Variants in CACNA1D observed in about 807,000 individuals in gnomAD.
CACNA1D encodes the protein voltage-dependent L-type calcium channel subunit alpha-1D.
CACNA1D carries 55 observed loss-of-function variants against 257.1 expected under a neutral mutation model. The observed-to-expected ratio is 0.21, with a 90% CI of 0.17 to 0.27. The LOEUF (loss-of-function observed/expected upper bound fraction) is 0.27. Among genes scored for constraint, CACNA1D ranks in the 10% least tolerant of loss-of-function variants. The probability of loss-of-function intolerance (pLI) is 1.00; values close to 1 mark genes in which losing one functional copy is unlikely to be tolerated. For missense variants in CACNA1D, 1,876 were observed against 2,784.0 expected, an observed-to-expected ratio of 0.67 and a Z score of 7.34; for synonymous variants, 980 against 1,014.9, an observed-to-expected ratio of 0.97 and a Z score of 0.65.
At chr3:53,553,327 T>G (rs377057251) in intron 3 of CACNA1D, among the ~76,000 whole-genome samples, 1 of 152,240 alleles carries the variant, frequency 6.6e-6, no homozygotes. Context: ...GTGTTTATGC[T>G]GTTGCTGCCG....
chr3:53,530,629 G>T (rs1176251660), intron 3 of CACNA1D, among the ~76,000 whole-genome samples: 2 of 152,140 alleles, frequency 1.3e-5, no homozygotes, highest in Non-Finnish European at 2.9e-5. Context: ...CCCCACTGTT[G>T]TCACCACTTC....
chr3:53,805,907 A>C (rs1320785996), intron 45 of CACNA1D, among the ~76,000 whole-genome samples: 36 of 21,636 alleles, frequency 1.7e-3, no homozygotes, highest in Admixed American at 4.6e-3. Flanking sequence ...CTCCTCCCTC[A>C]TCTTCTCCTG....
intron 10 of CACNA1D, among the ~76,000 whole-genome samples, chr3:53,719,076 C>T (rs532991990): frequency 6.6e-6 from 1 of 152,156 alleles, no homozygotes; most frequent in East Asian, 1.9e-4. Context: ...CACTGTCTGC[C>T]GTGGGGGAGC....
At position 53,497,337 on chromosome 3, in the gene CACNA1D, C is replaced by T. The variant is rs914971602; in HGVS notation, c.253C>T (p.Arg85Cys). 3.7e-6 allele frequency: 6 copies of T among 1,614,140 alleles called. No individual in the cohort carries two copies. Among genetic ancestry groups the T allele is most frequent in the South Asian group, 1.1e-5 (1 of 91,070 alleles). The change falls in exon 2 of 48, where the codon CGT becomes TGT. Residue 85 changes from arginine to cysteine, a missense_variant. Physicochemically the swap from Arg to Cys is radical, Grantham distance 180 (BLOSUM62 -3). Transcript: ENST00000350061. ...PPVGSLSQRK[R>C]QQYAKSKKQG... ...TGTAGGATCTCTCTCCCAAAGAAAA[C>T]GTCAGCAATACGCCAAGAGCAAAAA...
At chr3:53,559,742 T>G (rs1339894723) in intron 3 of CACNA1D, among the ~76,000 whole-genome samples, 2 of 152,204 alleles carry the variant, frequency 1.3e-5, no homozygotes, top group Non-Finnish European at 2.9e-5. Flanking sequence ...TGAGCTTCCT[T>G]GGTTCCCTGA....
At position 53,761,990 on chromosome 3, in the gene CACNA1D, C is replaced by T. The variant is rs1484633189; in HGVS notation, c.3787-8C>T. 4 of 1,603,234 alleles carry T rather than the reference C, an allele frequency of 2.5e-6. No individual in the cohort carries two copies. The highest frequency in any genetic ancestry group is 3.4e-6 in the Non-Finnish European group (4 of 1,170,002). ...TCATAAACATCTGCCCTCGCCTGCT[C>T]TGTCCAGGGGTATTTTAGTGACGCC... On this transcript the variant is annotated splice_polypyrimidine_tract_variant and splice_region_variant and intron_variant, in intron 29 of 47. Coordinates refer to ENST00000350061, the MANE Select transcript of CACNA1D (RefSeq NM_001128840.3).
At chr3:53,522,797 A>G (rs1429973397) in intron 3 of CACNA1D, among the ~76,000 whole-genome samples, 1 of 152,106 alleles carries the variant, frequency 6.6e-6, no homozygotes, top group Non-Finnish European at 1.5e-5. Flanking sequence ...CAAATCTTCT[A>G]TTTTGAAATA....
chr3:53,572,348 T>G (rs1468625271), intron 3 of CACNA1D, among the ~76,000 whole-genome samples: 1 of 151,280 alleles, frequency 6.6e-6, no homozygotes, highest in African/African-American at 2.4e-5. Flanking sequence ...TTTGGCCCTC[T>G]CTGCCTCTGG....
intron 35 of CACNA1D, among the ~76,000 whole-genome samples, chr3:53,776,322 A>G (rs1360674244): frequency 6.6e-6 from 1 of 152,238 alleles, no homozygotes; most frequent in African/African-American, 2.4e-5. Context: ...AAGCCAGTGC[A>G]TATGGTGGTG....
At chr3:53,670,406 G>A (rs943957621) in intron 7 of CACNA1D, among the ~76,000 whole-genome samples, 14 of 152,062 alleles carry the variant, frequency 9.2e-5, no homozygotes, top group South Asian at 4.1e-4. Flanking sequence ...GTGCAATGGC[G>A]TGATCTTGGC....
chr3:53,600,698 G>A (rs1366532414), intron 3 of CACNA1D, among the ~76,000 whole-genome samples: 3 of 152,058 alleles, frequency 2.0e-5, no homozygotes, highest in Non-Finnish European at 4.4e-5. Flanking sequence ...CACAATTATT[G>A]CATGGAAGGA....
chr3:53,709,225 G>T (rs550167199), intron 9 of CACNA1D, among the ~76,000 whole-genome samples: 75 of 152,324 alleles, frequency 4.9e-4, no homozygotes, highest in African/African-American at 1.7e-3. Flanking sequence ...TTCTGTGTGT[G>T]AGACACTGTT....
intron 3 of CACNA1D, among the ~76,000 whole-genome samples, chr3:53,638,568 T>A (rs2093912853): frequency 6.6e-6 from 1 of 152,218 alleles, no homozygotes; most frequent in East Asian, 1.9e-4. Context: ...ACACTGGCTC[T>A]TGTTTACATA....
At chr3:53,671,136 A>G (rs368387415) in intron 7 of CACNA1D, among the ~76,000 whole-genome samples, 4 of 152,356 alleles carry the variant, frequency 2.6e-5, no homozygotes, top group African/African-American at 9.6e-5. Context: ...AGAAATTAAA[A>G]GGGTTTTAAA....
intron 26 of CACNA1D, among the ~76,000 whole-genome samples, 164 bp downstream of exon 26, chr3:53,747,612 T>G (rs1170905181): frequency 6.6e-6 from 1 of 152,196 alleles, no homozygotes; most frequent in Non-Finnish European, 1.5e-5. Context: ...CCACAGGGCC[T>G]CTTTCTGTGT....
intron 3 of CACNA1D, among the ~76,000 whole-genome samples, chr3:53,528,489 C>T (rs2091839829): frequency 6.6e-6 from 1 of 152,214 alleles, no homozygotes; most frequent in South Asian, 2.1e-4. Flanking sequence ...CTCCACCCCT[C>T]ACTACAAGAT....
At chr3:53,669,848 A>C (rs1276667476) in intron 7 of CACNA1D, among the ~76,000 whole-genome samples, 1 of 152,190 alleles carries the variant, frequency 6.6e-6, no homozygotes, top group Non-Finnish European at 1.5e-5. Flanking sequence ...AGGGCAGGGA[A>C]AGAGTGTTTA....
intron 8 of CACNA1D, among the ~76,000 whole-genome samples, chr3:53,693,213 A>G (rs1394382106): frequency 6.6e-6 from 1 of 152,126 alleles, no homozygotes; most frequent in African/African-American, 2.4e-5. Flanking sequence ...GTCCCAGGCC[A>G]GCTGTCTTCC....
intron 9 of CACNA1D, among the ~76,000 whole-genome samples, chr3:53,705,381 A>T (rs918944394): frequency 1.1e-4 from 17 of 152,106 alleles, no homozygotes; most frequent in African/African-American, 3.9e-4. Context: ...GAAAGAAACA[A>T]AACCTGTTTA....
Sources: gnomAD v4.1 joint callset for allele counts (sites outside exome capture counted in the v4.1 genomes callset) on GRCh38, gnomAD v4.1.1 for gene constraint, MANE v1.5 for transcripts, NCBI Gene and HGNC (gene_info 2026-07-23, HGNC 2026-07-21) for gene names.